ACSS3: variants seen among roughly 807,000 people sequenced by gnomAD.
ACSS3 encodes the protein acyl-CoA synthetase short chain family member 3, also known as acyl-CoA synthetase short-chain family member 3, mitochondrial.
ACSS3 carries 64 observed loss-of-function variants against 84.2 expected under a neutral mutation model. The ratio of observed to expected loss-of-function variants is 0.76; its 90% CI spans 0.62 to 0.94. ACSS3 has a LOEUF of 0.94. Ranked by LOEUF, ACSS3 falls within the 40% of genes least tolerant of loss-of-function variation. The pLI is 0.00. For missense variants in ACSS3, 815 were observed against 867.6 expected (o/e 0.94, Z 0.76); for synonymous variants, 317 against 310.1 (o/e 1.02, Z -0.23).
chr12:81,150,974 G>A (rs935821387), intron 5 of ACSS3, among the ~76,000 whole-genome samples: 10 of 152,120 alleles, frequency 6.6e-5, no homozygotes, highest in Non-Finnish European at 1.0e-4. Flanking sequence ...CTCTTAGCAG[G>A]TGTTCACCTA....
intron 1 of ACSS3, among the ~76,000 whole-genome samples, chr12:81,091,544 T>A (rs1253485069): frequency 2.0e-5 from 3 of 152,072 alleles, no homozygotes. Context: ...TCTGAAAATG[T>A]AATTTGTAAT....
In ACSS3 at chr12:81,180,222, G is replaced by A. The variant is rs79081147; in HGVS notation, c.1250+5283G>A. ...AAGAAGGGAACAATAGACACAAGGG[G>A]TAGAGTGTGGAGGATCAGGATCAAA... On this transcript the variant is annotated intron_variant, in intron 8 of 15. Transcript: ENST00000548058. Among the ~76,000 whole-genome samples the A allele has an allele frequency of 1.9e-3, 285 of 152,222 alleles. 1 individual carries two copies. Among genetic ancestry groups the A allele is most frequent in the Middle Eastern group, 6.8e-3 (2 of 294 alleles).
At position 81,255,658 on chromosome 12, in the gene ACSS3, G is replaced by GA. The variant is rs1279035837; in HGVS notation, c.*740dup. ...AACATGGTGAAACCCTGTAGCTACTGAAAATACAAAAATAAGCCAGGCGTG... is the reference window on the plus strand; with the variant it reads ...AACATGGTGAAACCCTGTAGCTACTGAAAAATACAAAAATAAGCCAGGCGTG... On this transcript the variant is annotated 3_prime_UTR_variant, in exon 16 of 16. Coordinates refer to ENST00000548058, the MANE Select transcript of ACSS3 (RefSeq NM_024560.4). The GA allele has an allele frequency of 6.6e-6, 1 of 151,986 alleles. No homozygotes were observed. Among genetic ancestry groups the GA allele is most frequent in the East Asian group, 1.9e-4 (1 of 5,174 alleles). The allele number at this position is 151,986 out of a possible 1,614,324, so 9.4% of individuals were successfully genotyped here.
intron 8 of ACSS3, among the ~76,000 whole-genome samples, chr12:81,187,763 C>G (rs968872085): frequency 1.3e-5 from 2 of 151,902 alleles, no homozygotes; most frequent in African/African-American, 4.8e-5. Context: ...TTTTATCCCT[C>G]TGGTGCTTAG....
intron 7 of ACSS3, among the ~76,000 whole-genome samples, chr12:81,171,018 A>G (rs1242297250): frequency 1.3e-5 from 2 of 152,122 alleles, no homozygotes; most frequent in Non-Finnish European, 1.5e-5. Flanking sequence ...CTGAGAACAT[A>G]TAAGTCCTCT....
At chr12:81,077,996 C>T (rs1051288460), upstream of ACSS3, 4 of 1,202,114 alleles carry the variant, frequency 3.3e-6, no homozygotes, top group African/African-American at 4.7e-5. Context: ...GTGTGGCTTC[C>T]AAACTTCTGG....
intron 7 of ACSS3, among the ~76,000 whole-genome samples, chr12:81,168,748 T>A (rs191122645): frequency 6.7e-4 from 102 of 152,324 alleles, no homozygotes; most frequent in African/African-American, 2.4e-3. Context: ...TTCCCCTGTA[T>A]ATGGTCATAA....
chr12:81,179,445 A>T (rs1417565654), intron 8 of ACSS3, among the ~76,000 whole-genome samples: 3 of 152,040 alleles, frequency 2.0e-5, no homozygotes, highest in Admixed American at 6.6e-5. Context: ...AGAAAGATCT[A>T]ATATCTGGAA....
chr12:81,167,243 T>C lies in ACSS3; in HGVS notation c.1099-7545T>C, dbSNP rs1887445350. On this transcript the variant is annotated intron_variant, in intron 7 of 15. Coordinates refer to ENST00000548058, the MANE Select transcript of ACSS3 (RefSeq NM_024560.4). The stretch of plus-strand genomic sequence containing the variant: ...ACTCTTATCTGCTAGATAGAAACAA[T>C]GGCTTATTCATTGGGGGTTGGCTTC... 3.9e-5 allele frequency among the ~76,000 whole-genome samples: 6 copies of C among 152,270 alleles called. No homozygotes were observed. In the South Asian group the frequency reaches 1.0e-3, roughly 26 times the overall value.
chr12:81,118,742 T>C (rs1046229650), intron 2 of ACSS3, among the ~76,000 whole-genome samples: 1 of 152,224 alleles, frequency 6.6e-6, no homozygotes, highest in Non-Finnish European at 1.5e-5. Flanking sequence ...AAGGCTTCAG[T>C]GAGGTATTCC....
chr12:81,206,965 C>T (rs2135916419), intron 9 of ACSS3, among the ~76,000 whole-genome samples: 1 of 152,168 alleles, frequency 6.6e-6, no homozygotes, highest in South Asian at 2.1e-4. Context: ...AAATATATTA[C>T]ACAAATTAGT....
chr12:81,157,241 C>G (rs1437660986), intron 7 of ACSS3, among the ~76,000 whole-genome samples: 2 of 152,066 alleles, frequency 1.3e-5, no homozygotes, highest in Non-Finnish European at 2.9e-5. Flanking sequence ...TATTAATAGG[C>G]TACAGAAAAA....
chr12:81,203,979 A>G (rs912250957), intron 9 of ACSS3, among the ~76,000 whole-genome samples: 2 of 152,308 alleles, frequency 1.3e-5, no homozygotes, highest in East Asian at 3.9e-4. Flanking sequence ...ATGGTAATCC[A>G]TGTGCCAAAA....
chr12:81,224,574 A>ATG (rs72129467), intron 11 of ACSS3, among the ~76,000 whole-genome samples: 399 of 71,924 alleles, frequency 5.5e-3, no homozygotes, highest in East Asian at 0.014. Flanking sequence ...ACACACACAC[A>ATG]TGTGTGTGTG....
intron 1 of ACSS3, among the ~76,000 whole-genome samples, chr12:81,089,904 T>A (rs1881562282): frequency 6.6e-6 from 1 of 152,024 alleles, no homozygotes; most frequent in African/African-American, 2.4e-5. Context: ...AAGTGGCTTG[T>A]CCGAAGTTAT....
intron 13 of ACSS3, among the ~76,000 whole-genome samples, chr12:81,250,180 C>G (rs971910460): frequency 6.6e-6 from 1 of 151,914 alleles, no homozygotes; most frequent in Non-Finnish European, 1.5e-5. Flanking sequence ...GCTTCTGTCC[C>G]TTGAATGTTG....
chr12:81,236,438 C>A (rs2135980672), intron 13 of ACSS3, among the ~76,000 whole-genome samples: 1 of 151,324 alleles, frequency 6.6e-6, no homozygotes, highest in East Asian at 1.9e-4. Context: ...TATAGCCATT[C>A]TTTTCTTTGA....
At chr12:81,090,255 T>C (rs1881588009) in intron 1 of ACSS3, among the ~76,000 whole-genome samples, 1 of 151,984 alleles carries the variant, frequency 6.6e-6, no homozygotes, top group Non-Finnish European at 1.5e-5. Flanking sequence ...AGTGGTTCTT[T>C]CCTAAAAAGC....
chr12:81,167,307 A>G (rs1239374880), intron 7 of ACSS3, among the ~76,000 whole-genome samples: 1 of 152,180 alleles, frequency 6.6e-6, no homozygotes, highest in African/African-American at 2.4e-5. Context: ...AGAGCTAGGA[A>G]AGGACGAGAG....
Sources: allele counts gnomAD v4.1 joint callset (sites outside exome capture counted in the v4.1 genomes callset), GRCh38; gene constraint gnomAD v4.1.1; transcripts MANE v1.5; gene names NCBI Gene and HGNC (gene_info 2026-07-23, HGNC 2026-07-21).